The following KCNQ5 variants were observed in gnomAD, a reference collection of about 807,000 sequenced individuals.
KCNQ5 encodes the protein potassium voltage-gated channel subfamily Q member 5.
Under a neutral mutation model 98.2 loss-of-function variants are expected in KCNQ5, and 30 were observed. That is an observed-to-expected ratio of 0.31 (90% CI 0.23 to 0.41). The LOEUF is 0.41. Ranked by LOEUF, KCNQ5 falls within the 10% of genes least tolerant of loss-of-function variation. The pLI is 1.00. For synonymous variants in KCNQ5, 458 were observed against 449.4 expected, an observed-to-expected ratio of 1.02 and a Z score of -0.24; for missense variants, 835 against 1,182.5, an observed-to-expected ratio of 0.71 and a Z score of 4.31.
At chr6:72,760,477 T>C (rs1055935261) in intron 1 of KCNQ5, among the ~76,000 whole-genome samples, 140 of 145,734 alleles carry the variant, frequency 9.6e-4, no homozygotes, top group African/African-American at 3.4e-3. Flanking sequence ...TGTGTGTGTG[T>C]GTGCACGTGT....
chr6:72,982,299 G>A (rs542437614), intron 1 of KCNQ5, among the ~76,000 whole-genome samples: 3 of 152,112 alleles, frequency 2.0e-5, no homozygotes, highest in African/African-American at 7.2e-5. Flanking sequence ...AAGTCTCTTT[G>A]TAAGTCTCTA....
At position 72,945,193 on chromosome 6, in the gene KCNQ5, TA is replaced by T. The variant is rs545012549; in HGVS notation, c.399-58708del. On this transcript the variant is annotated intron_variant, in intron 1 of 13. Coordinates refer to ENST00000370398, the MANE Select transcript of KCNQ5 (RefSeq NM_019842.4). ...TATTATTTGAAGAGAAATGAGTTTATAAAAAAATATAATTTCCTACAAATTT... is the reference window on the plus strand; with the variant it reads ...TATTATTTGAAGAGAAATGAGTTTATAAAAAATATAATTTCCTACAAATTT... Among the ~76,000 whole-genome samples, 72 of 152,280 alleles carry T rather than the reference TA, an allele frequency of 4.7e-4. No individual in the cohort carries two copies. The East Asian group carries it at 0.013, about 27-fold the overall frequency.
chr6:72,672,023 A>G (rs936296014), intron 1 of KCNQ5, among the ~76,000 whole-genome samples: 17 of 151,166 alleles, frequency 1.1e-4, no homozygotes. Flanking sequence ...TCACCGTGTT[A>G]GCCAGGATGG....
chr6:73,109,579 G>A (rs184211896), intron 6 of KCNQ5, among the ~76,000 whole-genome samples: 209 of 152,266 alleles, frequency 1.4e-3, no homozygotes, highest in Middle Eastern at 3.4e-3. Context: ...AAAATTAGAA[G>A]TTACAAATGA....
At chr6:72,983,165 C>G (rs1768557852) in intron 1 of KCNQ5, among the ~76,000 whole-genome samples, 2 of 152,130 alleles carry the variant, frequency 1.3e-5, no homozygotes, top group African/African-American at 4.8e-5. Flanking sequence ...TTGTTCTTCT[C>G]AAGGAATATC....
intron 1 of KCNQ5, among the ~76,000 whole-genome samples, chr6:72,645,611 T>C (rs1765561399): frequency 1.3e-5 from 2 of 152,032 alleles, no homozygotes; most frequent in African/African-American, 4.8e-5. Flanking sequence ...ATCTCCCTCA[T>C]AGAAAGGAGA....
intron 10 of KCNQ5, among the ~76,000 whole-genome samples, chr6:73,156,928 T>C (rs1777382870): frequency 6.6e-6 from 1 of 152,130 alleles, no homozygotes. Flanking sequence ...AAATGCCATC[T>C]ATCTGTTGGG....
At chr6:72,968,919 T>C (rs1767742826) in intron 1 of KCNQ5, among the ~76,000 whole-genome samples, 1 of 152,190 alleles carries the variant, frequency 6.6e-6, no homozygotes, top group Admixed American at 6.5e-5. Context: ...TGTGATCTCT[T>C]ACTAAGCTTC....
At chr6:73,020,084 C>T (rs1040526955) in intron 2 of KCNQ5, among the ~76,000 whole-genome samples, 1 of 152,094 alleles carries the variant, frequency 6.6e-6, no homozygotes, top group Non-Finnish European at 1.5e-5. Flanking sequence ...GCAAAGCAAG[C>T]GATCAGTTTT....
chr6:72,908,623 T>C (rs1171371510), intron 1 of KCNQ5, among the ~76,000 whole-genome samples: 3 of 152,160 alleles, frequency 2.0e-5, no homozygotes, highest in Admixed American at 6.5e-5. Flanking sequence ...AAGCTAAACA[T>C]ATGGACCTTC....
At chr6:72,779,284 A>C (rs1773328828) in intron 1 of KCNQ5, among the ~76,000 whole-genome samples, 1 of 152,210 alleles carries the variant, frequency 6.6e-6, no homozygotes, top group South Asian at 2.1e-4. Flanking sequence ...GGTCATAGGC[A>C]CACAGAATGG....
At chr6:73,002,410 C>T (rs1234138092) in intron 1 of KCNQ5, among the ~76,000 whole-genome samples, 1 of 152,176 alleles carries the variant, frequency 6.6e-6, no homozygotes, top group Non-Finnish European at 1.5e-5. Flanking sequence ...AATGTTAATT[C>T]TCAGTTTTCA....
At chr6:72,919,014 A>G (rs1405899316) in intron 1 of KCNQ5, among the ~76,000 whole-genome samples, 1 of 151,692 alleles carries the variant, frequency 6.6e-6, no homozygotes, top group Admixed American at 6.6e-5. Context: ...CTTCCCTGCC[A>G]TCTTCCTGAT....
At chr6:72,746,131 T>C (rs1771393383) in intron 1 of KCNQ5, among the ~76,000 whole-genome samples, 1 of 147,144 alleles carries the variant, frequency 6.8e-6, no homozygotes, top group Admixed American at 6.7e-5. Context: ...TACCAGAGTT[T>C]AGGACTTCAA....
intron 1 of KCNQ5, among the ~76,000 whole-genome samples, chr6:72,874,499 A>G (rs1431064528): frequency 1.3e-5 from 2 of 152,184 alleles, no homozygotes; most frequent in African/African-American, 4.8e-5. Flanking sequence ...TTTTCACTTT[A>G]ATCACTGAAA....
intron 10 of KCNQ5, among the ~76,000 whole-genome samples, chr6:73,146,626 CAAAAAAAA>C (rs58798764): frequency 3.2e-4 from 9 of 28,478 alleles, no homozygotes; most frequent in Non-Finnish European, 5.4e-4. Context: ...GTCCCTGTCT[CAAAAAAAA>C]AAAAAAAAAA....
intron 1 of KCNQ5, among the ~76,000 whole-genome samples, chr6:72,762,595 A>T (rs1291935547): frequency 6.6e-6 from 1 of 152,114 alleles, no homozygotes; most frequent in Non-Finnish European, 1.5e-5. Flanking sequence ...AAGGTGGTGT[A>T]GTATGGCCAA....
chr6:72,975,520 G>C (rs1268789961), intron 1 of KCNQ5, among the ~76,000 whole-genome samples: 1 of 152,108 alleles, frequency 6.6e-6, no homozygotes, highest in Non-Finnish European at 1.5e-5. Flanking sequence ...TGCCATTGTA[G>C]GTCAATCCCT....
At chr6:72,988,799 TC>T (rs1364119478) in intron 1 of KCNQ5, among the ~76,000 whole-genome samples, 2 of 95,850 alleles carry the variant, frequency 2.1e-5, no homozygotes, top group East Asian at 3.1e-4. Context: ...ATGCTATCCC[TC>T]CCCCCTCCCC....
Sources: gnomAD v4.1 joint callset for allele counts (sites outside exome capture counted in the v4.1 genomes callset) on GRCh38, gnomAD v4.1.1 for gene constraint, MANE v1.5 for transcripts, NCBI Gene and HGNC (gene_info 2026-07-23, HGNC 2026-07-21) for gene names.